ZNRF3: variants seen among roughly 807,000 people sequenced by gnomAD.
The protein encoded by ZNRF3 is zinc and ring finger 3, also known as E3 ubiquitin-protein ligase ZNRF3.
ZNRF3 carries 23 observed loss-of-function variants against 72.5 expected under a neutral mutation model. The ratio of observed to expected loss-of-function variants is 0.32; its 90% CI spans 0.23 to 0.45. The LOEUF is 0.45. ZNRF3 is among the 20% of genes least tolerant of loss of function. The probability of loss-of-function intolerance (pLI) is 1.00; values close to 1 mark genes in which losing one functional copy is unlikely to be tolerated. For missense variants in ZNRF3, 1,169 were observed against 1,272.1 expected (o/e 0.92, Z 1.23); for synonymous variants, 610 against 545.3 (o/e 1.12, Z -1.65).
intron 3 of ZNRF3, among the ~76,000 whole-genome samples, chr22:29,042,847 T>C (rs2036991626): frequency 6.6e-6 from 1 of 151,862 alleles, no homozygotes; most frequent in Non-Finnish European, 1.5e-5. Context: ...CAATTTCAGC[T>C]CACTGCAATC....
intron 1 of ZNRF3, among the ~76,000 whole-genome samples, chr22:28,936,690 G>T (rs1035974275): frequency 1.3e-5 from 2 of 152,162 alleles, no homozygotes; most frequent in African/African-American, 4.8e-5. Context: ...AAATTAAGTG[G>T]CTCTAAGAAG....
At chr22:28,908,531 G>A (rs2034255357) in intron 1 of ZNRF3, among the ~76,000 whole-genome samples, 2 of 152,176 alleles carry the variant, frequency 1.3e-5, no homozygotes, top group Admixed American at 6.5e-5. Flanking sequence ...GGGCCTGTAC[G>A]TGGTGATGTT....
At position 28,905,795 on chromosome 22, in the gene ZNRF3, A is replaced by C. The variant is rs191236300; in HGVS notation, c.300+21729A>C. 2.0e-5 allele frequency among the ~76,000 whole-genome samples: 3 copies of C among 152,326 alleles called. No individual in the cohort carries two copies. In the East Asian group the frequency reaches 5.8e-4, roughly 29 times the overall value. On this transcript the variant is annotated intron_variant, in intron 1 of 8. Coordinates refer to ENST00000544604, the MANE Select transcript of ZNRF3 (RefSeq NM_001206998.2). Reference sequence around the variant, plus strand: ...ATGAAATGTGTGAATGAATGAATACACTATTCTTGGGACCTTATACTGTTT... The same window carrying C: ...ATGAAATGTGTGAATGAATGAATACCCTATTCTTGGGACCTTATACTGTTT...
At chr22:28,957,233 G>C (rs1176562646) in intron 1 of ZNRF3, among the ~76,000 whole-genome samples, 1 of 152,126 alleles carries the variant, frequency 6.6e-6, no homozygotes, top group African/African-American at 2.4e-5. Context: ...CTGGTTATGA[G>C]ATGAGACTCA....
At chr22:28,991,011 G>T (rs2035942164) in intron 2 of ZNRF3, among the ~76,000 whole-genome samples, 1 of 152,022 alleles carries the variant, frequency 6.6e-6, no homozygotes. Flanking sequence ...GCCAGGCGTG[G>T]TGGCTCACGC....
intron 1 of ZNRF3, among the ~76,000 whole-genome samples, chr22:28,933,963 A>C (rs1479839857): frequency 1.3e-5 from 2 of 151,932 alleles, no homozygotes; most frequent in African/African-American, 4.8e-5. Context: ...TTTCTGCTTA[A>C]GGACCTGATG....
intron 1 of ZNRF3, among the ~76,000 whole-genome samples, chr22:28,907,779 G>T (rs1403520040): frequency 2.6e-5 from 4 of 152,216 alleles, no homozygotes; most frequent in Non-Finnish European, 5.9e-5. Flanking sequence ...GCATGGTGCA[G>T]AGTGGTGTCA....
intron 2 of ZNRF3, among the ~76,000 whole-genome samples, chr22:28,994,319 T>G (rs2036013615): frequency 6.6e-6 from 1 of 151,324 alleles, no homozygotes. Context: ...CCTGAGTAGC[T>G]GGGATTACAG....
At chr22:28,922,551 C>T (rs1287826793) in intron 1 of ZNRF3, among the ~76,000 whole-genome samples, 1 of 152,152 alleles carries the variant, frequency 6.6e-6, no homozygotes, top group East Asian at 1.9e-4. Context: ...ATTTTGTTTT[C>T]TTGACCCTTT....
intron 1 of ZNRF3, among the ~76,000 whole-genome samples, chr22:28,967,045 A>G (rs1282791205): frequency 1.3e-5 from 2 of 151,680 alleles, no homozygotes; most frequent in Non-Finnish European, 2.9e-5. Flanking sequence ...ACGCCCATCT[A>G]ATTTTTTCGT....
intron 1 of ZNRF3, among the ~76,000 whole-genome samples, chr22:28,962,467 A>G (rs554112561): frequency 1.3e-5 from 2 of 152,304 alleles, no homozygotes; most frequent in African/African-American, 4.8e-5. Context: ...AAAAGGCACA[A>G]GCAGTCACTT....
chr22:28,895,203 T>C (rs764445981), intron 1 of ZNRF3, among the ~76,000 whole-genome samples: 2 of 152,208 alleles, frequency 1.3e-5, no homozygotes, highest in Non-Finnish European at 2.9e-5. Context: ...GTTATGCTAC[T>C]GAGGAAGGCC....
chr22:28,934,817 CAA>C (rs1244256699), intron 1 of ZNRF3, among the ~76,000 whole-genome samples: 31 of 57,156 alleles, frequency 5.4e-4, no homozygotes, highest in African/African-American at 9.1e-4. Context: ...GACTCTGTCT[CAA>C]AAAAAAAAAA....
intron 2 of ZNRF3, among the ~76,000 whole-genome samples, chr22:29,037,434 A>G (rs1373774251): frequency 6.6e-6 from 1 of 152,206 alleles, no homozygotes; most frequent in Non-Finnish European, 1.5e-5. Flanking sequence ...TCCTTATGAA[A>G]GAAAACCACA....
chr22:28,997,169 G>A (rs974189622), intron 2 of ZNRF3, among the ~76,000 whole-genome samples: 4 of 152,140 alleles, frequency 2.6e-5, no homozygotes, highest in Non-Finnish European at 5.9e-5. Context: ...GGCCTCACCA[G>A]GCCTTCTCTG....
chr22:29,050,136 C>T lies in ZNRF3; in HGVS notation c.1955C>T (p.Ser652Phe). 4 of 1,605,904 alleles carry T rather than the reference C, an allele frequency of 2.5e-6. No homozygotes were observed. The highest frequency in any genetic ancestry group is 3.4e-6 in the Non-Finnish European group (4 of 1,179,848). Reference protein sequence around the residue: ...GRGEPWPGPASPSGDQVSTCS... With the variant: ...GRGEPWPGPAFPSGDQVSTCS... ...GGCGAGCCTTGGCCGGGCCCTGCCT[C>T]TCCCTCGGGGGATCAGGTGTCCACC... The change falls in exon 8 of 9, where the codon TCT becomes TTT. Residue 652 changes from serine (S) to phenylalanine (F), a missense_variant. Ser to Phe is a radical substitution (Grantham distance 155, BLOSUM62 -2). Around this residue, in one of 2 missense-constraint regions of ZNRF3, gnomAD observed 783 missense variants for 731.4 expected, o/e 1.07. Coordinates refer to ENST00000544604, the MANE Select transcript of ZNRF3 (RefSeq NM_001206998.2).
chr22:29,027,040 T>C (rs948286579), intron 2 of ZNRF3: 2 of 151,708 alleles, frequency 1.3e-5, no homozygotes, highest in Non-Finnish European at 2.9e-5. Context: ...GCTTGATGAG[T>C]TAGGTTAAGA....
At chr22:28,967,233 T>C (rs1414044753) in intron 1 of ZNRF3, among the ~76,000 whole-genome samples, 3 of 152,216 alleles carry the variant, frequency 2.0e-5, no homozygotes, top group Non-Finnish European at 4.4e-5. Flanking sequence ...TGTTTAGATA[T>C]GTTTAAATAC....
At chr22:28,932,055 T>C (rs1428697147) in intron 1 of ZNRF3, among the ~76,000 whole-genome samples, 1 of 152,212 alleles carries the variant, frequency 6.6e-6, no homozygotes, top group African/African-American at 2.4e-5. Context: ...ACAGGTGTAG[T>C]GCGTGGCACC....
Sources: allele counts gnomAD v4.1 joint callset (sites outside exome capture counted in the v4.1 genomes callset), GRCh38; gene constraint gnomAD v4.1.1; regional missense constraint gnomAD v4.1.1; transcripts MANE v1.5; gene names NCBI Gene and HGNC (gene_info 2026-07-23, HGNC 2026-07-21).